The following DIP2B variants were observed in gnomAD, a reference collection of about 807,000 sequenced individuals.
The protein encoded by DIP2B is disco-interacting protein 2 homolog B.
A neutral mutation model predicts 198.0 loss-of-function variants in DIP2B; 76 were observed. The ratio of observed to expected loss-of-function variants is 0.38; its 90% CI spans 0.32 to 0.46. The LOEUF is 0.46. DIP2B is among the 20% of genes least tolerant of loss of function. DIP2B has a pLI of 0.99. For synonymous variants in DIP2B, 701 were observed against 739.1 expected (o/e 0.95, Z 0.84); for missense variants, 1,559 against 1,978.4 (o/e 0.79, Z 4.02).
At chr12:50,529,657 C>A (rs1290985462) in intron 1 of DIP2B, among the ~76,000 whole-genome samples, 2 of 152,088 alleles carry the variant, frequency 1.3e-5, no homozygotes, top group African/African-American at 4.8e-5. Context: ...CTTTGCTTCC[C>A]AATGGGGATT....
At chr12:50,565,238 C>A (rs193112918) in intron 1 of DIP2B, among the ~76,000 whole-genome samples, 9 of 152,208 alleles carry the variant, frequency 5.9e-5, no homozygotes, top group Non-Finnish European at 1.0e-4. Context: ...CTCAAATGAT[C>A]TGCCTGCCTC....
intron 2 of DIP2B, among the ~76,000 whole-genome samples, chr12:50,627,393 G>A (rs1009372980): frequency 6.6e-6 from 1 of 152,108 alleles, no homozygotes; most frequent in African/African-American, 2.4e-5. Context: ...GAGCGCAGTG[G>A]TGCGATCATG....
chr12:50,509,571 G>T (rs1043851420), intron 1 of DIP2B, among the ~76,000 whole-genome samples: 3 of 152,192 alleles, frequency 2.0e-5, no homozygotes, highest in Non-Finnish European at 2.9e-5. Context: ...GTAGCTTTGT[G>T]GTCCTTAAAG....
intron 22 of DIP2B, 86 bp from the exon 23 acceptor site, chr12:50,714,309 G>T: frequency 6.7e-7 from 1 of 1,494,438 alleles, no homozygotes. Flanking sequence ...AAGAAAAATT[G>T]TAGCGTAAAA....
chr12:50,619,710 A>G (rs1386612749), intron 1 of DIP2B, among the ~76,000 whole-genome samples: 4 of 152,132 alleles, frequency 2.6e-5, no homozygotes, highest in African/African-American at 9.7e-5. Context: ...TATATTTTAA[A>G]TCACAATGAA....
chr12:50,627,763 A>T (rs996717634), intron 2 of DIP2B, among the ~76,000 whole-genome samples: 1 of 152,262 alleles, frequency 6.6e-6, no homozygotes, highest in African/African-American at 2.4e-5. Context: ...AGAATGTGGC[A>T]TATCCCTCCC....
intron 1 of DIP2B, among the ~76,000 whole-genome samples, chr12:50,565,684 A>C (rs1439141901): frequency 2.0e-5 from 3 of 152,044 alleles, no homozygotes; most frequent in African/African-American, 7.2e-5. Context: ...TTGTGTCTTC[A>C]CATCTAGTAG....
Position 50,674,503 on chromosome 12 carries a change from A to G in DIP2B, c.670A>G (p.Thr224Ala), listed in dbSNP as rs774274233. 4 of 1,614,092 alleles carry G rather than the reference A, an allele frequency of 2.5e-6. No individual in the cohort carries two copies. In the Admixed American group the frequency reaches 6.7e-5, roughly 27 times the overall value. ...ENFSAPPDVT[T>A]TTSSSSSSSS... ...TTTCTCTGCTCCTCCTGATGTCACT[A>G]CAACTACCTCTTCCTCCTCATCATC... Residue 224 changes from threonine (T) to alanine (A), a missense_variant, in exon 6 of 38, where the codon ACA becomes GCA. Thr to Ala is a moderately conservative substitution (Grantham distance 58). Coordinates refer to ENST00000301180, the MANE Select transcript of DIP2B (RefSeq NM_173602.3).
chr12:50,507,957 G>A (rs1037038570), intron 1 of DIP2B, among the ~76,000 whole-genome samples: 9 of 151,150 alleles, frequency 6.0e-5, no homozygotes, highest in Admixed American at 4.6e-4. Flanking sequence ...CCTAATCATA[G>A]CAATAATCTG....
intron 1 of DIP2B, among the ~76,000 whole-genome samples, chr12:50,567,407 A>G (rs1027247692): frequency 1.3e-5 from 2 of 152,228 alleles, no homozygotes; most frequent in Non-Finnish European, 2.9e-5. Context: ...GCCACAAACT[A>G]CAGAACTGTA....
intron 30 of DIP2B, among the ~76,000 whole-genome samples, chr12:50,729,021 C>T (rs938613004): frequency 4.6e-5 from 7 of 152,156 alleles, no homozygotes; most frequent in Admixed American, 1.3e-4. Flanking sequence ...CGTACCCCCT[C>T]GGCTTGGCAG....
chr12:50,536,271 G>GCGTACATA (rs1555182425), intron 1 of DIP2B, among the ~76,000 whole-genome samples: 2 of 147,972 alleles, frequency 1.4e-5, no homozygotes, highest in Non-Finnish European at 3.0e-5. Context: ...CTAAATACGT[G>GCGTACATA]CATACATACA....
intron 22 of DIP2B, among the ~76,000 whole-genome samples, chr12:50,712,885 G>T (rs1939644594): frequency 6.6e-6 from 1 of 152,102 alleles, no homozygotes; most frequent in Non-Finnish European, 1.5e-5. Context: ...TCCAGCTTGG[G>T]TGACAATGCA....
chr12:50,615,557 A>C (rs1937684219), intron 1 of DIP2B, among the ~76,000 whole-genome samples: 1 of 152,012 alleles, frequency 6.6e-6, no homozygotes, highest in South Asian at 2.1e-4. Context: ...GTTGTATCTT[A>C]TTTTTTTAAA....
At chr12:50,723,446 A>G (rs7310279) in intron 27 of DIP2B, 123 bp downstream of exon 27, 218,141 of 1,356,052 alleles carry the variant, frequency 0.16, 19,956 homozygotes, top group Non-Finnish European at 0.19. Flanking sequence ...TCTGGAGACT[A>G]CCTCCTTTTT....
chr12:50,536,339 T>C (rs1221968356), intron 1 of DIP2B, among the ~76,000 whole-genome samples: 2 of 151,884 alleles, frequency 1.3e-5, no homozygotes, highest in Non-Finnish European at 2.9e-5. Context: ...GAGCCTGTAG[T>C]CCAAGCTACT....
chr12:50,695,451 C>T, intron 15 of DIP2B, 91 bp downstream of exon 15: 2 of 1,194,964 alleles, frequency 1.7e-6, no homozygotes, highest in Non-Finnish European at 2.5e-6. Context: ...CCCTTGTATG[C>T]CCCTGTCCCT....
intron 7 of DIP2B, among the ~76,000 whole-genome samples, chr12:50,675,686 C>T (rs1318891938): frequency 1.3e-5 from 2 of 152,084 alleles, no homozygotes; most frequent in Non-Finnish European, 2.9e-5. Context: ...GAGCATAGAA[C>T]TGTCTTTGGA....
chr12:50,537,114 ATTTTTTTTTTT>A lies in DIP2B; in HGVS notation c.100+31891_100+31901del, dbSNP rs34202995. 1.9e-4 allele frequency among the ~76,000 whole-genome samples: 6 copies of A among 32,226 alleles called. No homozygotes were observed. The East Asian group carries it at 6.4e-3, about 34-fold the overall frequency. 21.1% of individuals were successfully genotyped at this position (32,226 alleles called of 152,430 possible). A position where few individuals can be genotyped will look rare whatever the true frequency, so the allele number is the denominator to read the frequency against. ...CAGATTGCTTGTTTATTATTCTCTAATTTTTTTTTTTTTTTTTTTTTTTTTTTGTAGAGACA... is the reference window on the plus strand; with the variant it reads ...CAGATTGCTTGTTTATTATTCTCTAATTTTTTTTTTTTTTTTGTAGAGACA... On this transcript the variant is annotated intron_variant, in intron 1 of 37. Coordinates refer to ENST00000301180, the MANE Select transcript of DIP2B (RefSeq NM_173602.3).
Sources: allele counts gnomAD v4.1 joint callset (sites outside exome capture counted in the v4.1 genomes callset), GRCh38; gene constraint gnomAD v4.1.1; transcripts MANE v1.5; gene names NCBI Gene and HGNC (gene_info 2026-07-23, HGNC 2026-07-21).